The following SPATA16 variants were observed in gnomAD, a reference collection of about 807,000 sequenced individuals.
SPATA16 encodes the protein spermatogenesis associated 16, also known as spermatogenesis-associated protein 16.
A neutral mutation model predicts 63.3 loss-of-function variants in SPATA16; 36 were observed. The ratio of observed to expected loss-of-function variants is 0.57; its 90% CI spans 0.44 to 0.75. The LOEUF (loss-of-function observed/expected upper bound fraction) is 0.75, where lower values mean the gene tolerates loss of function less well. SPATA16 is among the 30% of genes least tolerant of loss of function. The pLI, the probability that SPATA16 is intolerant of heterozygous loss-of-function variation, is 0.00. For missense variants in SPATA16, 646 were observed against 679.3 expected (o/e 0.95, Z 0.54); for synonymous variants, 203 against 216.7 (o/e 0.94, Z 0.56).
At chr3:173,012,547 G>T (rs1735095150) in intron 4 of SPATA16, among the ~76,000 whole-genome samples, 1 of 152,048 alleles carries the variant, frequency 6.6e-6, no homozygotes, top group African/African-American at 2.4e-5. Context: ...GCTACAGTAA[G>T]CAAAACAGCA....
rs545850998 is a variant in SPATA16, at chr3:173,013,514, T to C, written c.848+5972A>G. ...GACAGCACTTGACTTTTATACACAC[T>C]TTACAAAAGGGGGTGGGCTAGCTTG... is the stretch of plus-strand genomic sequence containing the variant. On this transcript the variant is annotated intron_variant, in intron 4 of 10. Transcript: ENST00000351008. Among the ~76,000 whole-genome samples, 4 of 152,270 alleles carry C rather than the reference T, an allele frequency of 2.6e-5. No homozygotes were observed. The South Asian group carries it at 6.2e-4, about 24-fold the overall frequency.
At chr3:173,009,133 G>A (rs1735003357) in intron 4 of SPATA16, among the ~76,000 whole-genome samples, 1 of 152,146 alleles carries the variant, frequency 6.6e-6, no homozygotes, top group Admixed American at 6.5e-5. Context: ...TTTAAAAATC[G>A]AGGGTTCTGG....
chr3:172,910,067 G>C (rs571716600), intron 10 of SPATA16, among the ~76,000 whole-genome samples: 3 of 150,264 alleles, frequency 2.0e-5, no homozygotes, highest in South Asian at 4.2e-4. Context: ...GAGAGGTAAT[G>C]CTCTACACCA....
intron 4 of SPATA16, among the ~76,000 whole-genome samples, chr3:172,982,883 T>A (rs1734353406): frequency 6.6e-6 from 1 of 152,184 alleles, no homozygotes; most frequent in African/African-American, 2.4e-5. Context: ...TTTATAACAT[T>A]TCTACTCAGT....
chr3:173,091,948 G>C (rs1189741771), intron 2 of SPATA16, among the ~76,000 whole-genome samples: 5 of 152,050 alleles, frequency 3.3e-5, no homozygotes, highest in Admixed American at 2.0e-4. Context: ...AATAGCCTGG[G>C]AAGAGGCAGG....
intron 2 of SPATA16, among the ~76,000 whole-genome samples, chr3:173,065,096 T>G (rs1001960927): frequency 1.3e-5 from 2 of 152,218 alleles, no homozygotes; most frequent in African/African-American, 4.8e-5. Context: ...AGTTATTACG[T>G]TAACAAAGTT....
At chr3:173,018,911 C>T (rs2108276073) in intron 4 of SPATA16, among the ~76,000 whole-genome samples, 1 of 152,270 alleles carries the variant, frequency 6.6e-6, no homozygotes, top group Middle Eastern at 3.4e-3. Context: ...AGAAGGAATT[C>T]TGAGTGTAGC....
At position 173,068,119 on chromosome 3, in the gene SPATA16, G is replaced by A. The variant is rs182527219; in HGVS notation, c.613-19025C>T. ...AAAGTTCTTCAATTTTAAATAAAAC[G>A]AAGTTAATGTATAACAAGAAATCAT... On this transcript the variant is annotated intron_variant, in intron 2 of 10. Transcript: ENST00000351008. 1.7e-3 allele frequency among the ~76,000 whole-genome samples: 261 copies of A among 152,184 alleles called. 1 individual carries two copies. The highest frequency in any genetic ancestry group is 6.0e-3 in the African/African-American group (249 of 41,516).
chr3:172,919,327 G>T (rs761654410), intron 8 of SPATA16, among the ~76,000 whole-genome samples: 3 of 152,178 alleles, frequency 2.0e-5, no homozygotes, highest in Non-Finnish European at 4.4e-5. Context: ...AAATACCATA[G>T]CAGCAGGGCT....
At chr3:173,133,385 T>C (rs1738436683) in intron 1 of SPATA16, among the ~76,000 whole-genome samples, 1 of 152,204 alleles carries the variant, frequency 6.6e-6, no homozygotes, top group South Asian at 2.1e-4. Context: ...CCTTTACCAA[T>C]GTGGTGGTGG....
At chr3:173,103,388 A>T (rs1379514022) in intron 2 of SPATA16, among the ~76,000 whole-genome samples, 9 of 152,168 alleles carry the variant, frequency 5.9e-5, no homozygotes, top group Non-Finnish European at 1.2e-4. Context: ...CCTGCAGCAG[A>T]CTTCTGCCTG....
intron 2 of SPATA16, among the ~76,000 whole-genome samples, chr3:173,076,498 T>A (rs1000478829): frequency 2.6e-5 from 4 of 152,052 alleles, no homozygotes; most frequent in African/African-American, 4.8e-5. Flanking sequence ...AGACTTTTTT[T>A]AAAAAACATC....
At chr3:173,065,749 G>A (rs1043328287) in intron 2 of SPATA16, among the ~76,000 whole-genome samples, 5 of 152,208 alleles carry the variant, frequency 3.3e-5, no homozygotes, top group Non-Finnish European at 5.9e-5. Context: ...GTGCTGCCCT[G>A]TCACAACAGA....
chr3:173,012,966 A>C (rs144734234), intron 4 of SPATA16, among the ~76,000 whole-genome samples: 140 of 152,284 alleles, frequency 9.2e-4, no homozygotes, highest in African/African-American at 3.2e-3. Flanking sequence ...TAAACCATCA[A>C]CAGTGTAAAC....
At chr3:173,117,870 G>A in intron 1 of SPATA16, 121 bp from the exon 2 acceptor site, 1 of 1,462,712 alleles carries the variant, frequency 6.8e-7, no homozygotes. Flanking sequence ...TGCCTTGTAA[G>A]TAAAACTGTA....
chr3:172,905,754 G>A (rs1355571413), intron 10 of SPATA16, among the ~76,000 whole-genome samples: 3 of 150,080 alleles, frequency 2.0e-5, no homozygotes, highest in African/African-American at 7.4e-5. Flanking sequence ...AATTCATATG[G>A]ATGGTTTAAA....
intron 10 of SPATA16, among the ~76,000 whole-genome samples, chr3:172,896,510 C>T (rs1317503587): frequency 2.0e-5 from 3 of 152,170 alleles, no homozygotes; most frequent in Admixed American, 6.5e-5. Context: ...CGTGAGCCAC[C>T]GTGCCCGAAA....
intron 2 of SPATA16, among the ~76,000 whole-genome samples, chr3:173,071,715 T>C (rs1736677909): frequency 6.6e-6 from 1 of 152,090 alleles, no homozygotes; most frequent in South Asian, 2.1e-4. Flanking sequence ...ATGCTCAACA[T>C]CACTAATCAT....
intron 2 of SPATA16, among the ~76,000 whole-genome samples, chr3:173,053,360 G>T (rs1196736084): frequency 1.3e-5 from 2 of 152,084 alleles, no homozygotes; most frequent in Non-Finnish European, 2.9e-5. Flanking sequence ...CTGGGTGACA[G>T]ACTGAGATTC....
Sources: allele counts gnomAD v4.1 joint callset (sites outside exome capture counted in the v4.1 genomes callset), GRCh38; gene constraint gnomAD v4.1.1; transcripts MANE v1.5; gene names NCBI Gene and HGNC (gene_info 2026-07-23, HGNC 2026-07-21).